The following CEACAM16 variants were observed in gnomAD, a reference collection of about 807,000 sequenced individuals.
CEACAM16 encodes cell adhesion molecule CEACAM16.
CEACAM16 carries 30 observed loss-of-function variants against 39.4 expected under a neutral mutation model. That is an observed-to-expected ratio of 0.76 (90% CI 0.57 to 1.03). CEACAM16 has a LOEUF of 1.03. Ranked by LOEUF, CEACAM16 falls within the 50% of genes least tolerant of loss-of-function variation. The pLI is 0.00. For synonymous variants in CEACAM16, 262 were observed against 264.9 expected, an observed-to-expected ratio of 0.99 and a Z score of 0.11; for missense variants, 521 against 585.3, an observed-to-expected ratio of 0.89 and a Z score of 1.13.
chr19:44,706,013 G>A (rs2122199841), intron 5 of CEACAM16, 145 bp downstream of exon 5: 4 of 1,010,480 alleles, frequency 4.0e-6, no homozygotes, highest in Non-Finnish European at 5.8e-6. Context: ...TGGCATATCA[G>A]GCAGATCTGT....
chr19:44,710,351 A>G, intron 6 of CEACAM16, 145 bp from the exon 7 acceptor site: 1 of 805,330 alleles, frequency 1.2e-6, no homozygotes, highest in Non-Finnish European at 2.0e-6. Flanking sequence ...CTGAACCTGA[A>G]CCTGGCACAG....
Position 44,710,376 on chromosome 19 carries a change from G to C in CEACAM16, c.1268-120G>C, listed in dbSNP as rs1235437489. The C allele has an allele frequency of 6.6e-6, 7 of 1,064,090 alleles. No individual in the cohort carries two copies. In the African/African-American group the frequency reaches 9.5e-5, roughly 14 times the overall value. The allele number at this position is 1,064,090 out of a possible 1,614,324, so 65.9% of individuals were successfully genotyped here. On this transcript the variant is annotated intron_variant, in intron 6 of 6. Coordinates refer to ENST00000587331, the MANE Select transcript of CEACAM16 (RefSeq NM_001039213.4). ...ACCTGGCACAGGCTGAGCGTGGGGT[G>C]GATTGGGCCACTGGGTGGCCCGGGG...
rs79655389 is a variant in CEACAM16, at chr19:44,701,423, G to A, written c.-34G>A. The A allele has an allele frequency of 1.7e-5, 27 of 1,556,294 alleles. No homozygotes were observed. The East Asian group carries it at 4.8e-4, about 28-fold the overall frequency. On this transcript the variant is annotated 5_prime_UTR_variant, in exon 2 of 7. Transcript: ENST00000587331. The surrounding 1 kb of genome is among the most constrained non-coding windows in gnomAD (Gnocchi z 4.0). ...GGAGTCCGAGCACTGGGACTTCAAC[G>A]CCACCATCTCCAAGACTCGGTTTGG... is the stretch of plus-strand genomic sequence containing the variant.
intron 1 of CEACAM16, 67 bp downstream of exon 1, chr19:44,699,327 T>C: frequency 1.9e-6 from 1 of 529,880 alleles, no homozygotes; most frequent in South Asian, 1.4e-5. Flanking sequence ...TGAGTACTAT[T>C]GTTTTCCCTA....
chr19:44,703,353 A>T lies in CEACAM16; in HGVS notation c.42A>T (p.Thr14=), dbSNP rs1235874936. The part of the protein sequence containing the change: ...TGYSWLLLSA[T]FLNVGAEISI... ...CCTCTGACTCCTCTTCCTCAGCCAC[A>T]TTCCTGAATGTGGGGGCCGAGATCT... The change falls in exon 3 of 7, where the codon ACA becomes ACT. Residue 14 remains threonine (T), a synonymous_variant. Coordinates refer to ENST00000587331, the MANE Select transcript of CEACAM16 (RefSeq NM_001039213.4). The T allele has an allele frequency of 6.2e-7, 1 of 1,608,394 alleles. No individual in the cohort carries two copies. The highest frequency in any genetic ancestry group is 1.7e-5 in the Admixed American group (1 of 59,926).
At chr19:44,700,386 T>A (rs1477218059) in intron 1 of CEACAM16, among the ~76,000 whole-genome samples, 1 of 151,764 alleles carries the variant, frequency 6.6e-6, no homozygotes, top group African/African-American at 2.4e-5. Flanking sequence ...GATCTGCCCA[T>A]CTCAGCCTCC....
chr19:44,699,649 C>T (rs1037242232), intron 1 of CEACAM16, among the ~76,000 whole-genome samples: 5 of 152,064 alleles, frequency 3.3e-5, no homozygotes, highest in East Asian at 1.9e-4. Context: ...AGTGCTAGGA[C>T]TACAGGCATG....
chr19:44,704,441 C>CT (rs1052648621), intron 4 of CEACAM16, 145 bp downstream of exon 4: 3 of 1,076,740 alleles, frequency 2.8e-6, no homozygotes, highest in Non-Finnish European at 3.9e-6. Context: ...TTAAAGTGCA[C>CT]TTGCCCTCGC....
At position 44,710,604 on chromosome 19, in the gene CEACAM16, C is replaced by T; in HGVS notation, c.*98C>T. On this transcript the variant is annotated 3_prime_UTR_variant, in exon 7 of 7. Transcript: ENST00000587331. Reference sequence around the variant, plus strand: ...AACCACTCCCCCACAGCGAGGATGCCAGGCTGTGGTCCTGCTGTTCTCCTG... The same window carrying T: ...AACCACTCCCCCACAGCGAGGATGCTAGGCTGTGGTCCTGCTGTTCTCCTG... 1 of 1,533,774 alleles carries T rather than the reference C, an allele frequency of 6.5e-7. No individual in the cohort carries two copies. The highest frequency in any genetic ancestry group is 2.3e-5 in the East Asian group (1 of 44,406).
rs758606896 is a variant in CEACAM16 at position 44,708,028 on chromosome 19, T to A, written c.1108T>A (p.Trp370Arg). The part of the protein sequence containing the change: ...RLLSQLPSGT[W>R]IAGPAHTGRE... Reference sequence around the variant, plus strand: ...GCTCAGCCAGCTGCCGTCAGGAACCTGGATTGCAGGCCCCGCGCACACAGG... The same window carrying A: ...GCTCAGCCAGCTGCCGTCAGGAACCAGGATTGCAGGCCCCGCGCACACAGG... The change falls in exon 6 of 7, where the codon TGG (tryptophan) becomes AGG (arginine). Residue 370 changes from tryptophan (W) to arginine (R), a missense_variant. Coordinates refer to ENST00000587331, the MANE Select transcript of CEACAM16 (RefSeq NM_001039213.4). 10 of 1,612,110 alleles carry A rather than the reference T, an allele frequency of 6.2e-6. No individual in the cohort carries two copies. The highest frequency in any genetic ancestry group is 8.5e-6 in the Non-Finnish European group (10 of 1,179,404).
At position 44,707,987 on chromosome 19, in the gene CEACAM16, C is replaced by T. The variant is rs1329414628; in HGVS notation, c.1067C>T (p.Ser356Phe). ...TACGCCTGGTACCGCGGGCCTGCCT[C>T]CGAGCCCAACCGGCTGCTCAGCCAG... ...LVYAWYRGPA[S>F]EPNRLLSQLP... The change falls in exon 6 of 7, where the codon TCC (serine) becomes TTC (phenylalanine). Residue 356 changes from serine to phenylalanine, a missense_variant. By Grantham distance (155) the Ser-to-Phe change is radical. Transcript: ENST00000587331. 6.2e-7 allele frequency: 1 copy of T among 1,606,728 alleles called. No individual in the cohort carries two copies. The highest frequency in any genetic ancestry group is 8.5e-7 in the Non-Finnish European group (1 of 1,177,240).
At chr19:44,707,146 T>C (rs1276765448) in intron 5 of CEACAM16, among the ~76,000 whole-genome samples, 1 of 152,156 alleles carries the variant, frequency 6.6e-6, no homozygotes, top group Non-Finnish European at 1.5e-5. Context: ...CCAGGAGACA[T>C]GGCCCTGTTT....
chr19:44,708,283 C>T, intron 6 of CEACAM16, 96 bp downstream of exon 6: 1 of 1,221,488 alleles, frequency 8.2e-7, no homozygotes. Context: ...GGACATAGAC[C>T]AAAGATGGAT....
At chr19:44,706,339 C>T (rs1190029740) in intron 5 of CEACAM16, among the ~76,000 whole-genome samples, 1 of 151,204 alleles carries the variant, frequency 6.6e-6, no homozygotes, top group Non-Finnish European at 1.5e-5. Flanking sequence ...CAATTGCTGG[C>T]AAATGGAGAA....
Position 44,707,916 on chromosome 19 carries a change from G to C in CEACAM16, c.996G>C (p.Gln332His). Residue 332 changes from glutamine to histidine, a missense_variant, in exon 6 of 7, where the codon CAG (glutamine) becomes CAC (histidine). Gln to His is a conservative substitution (Grantham distance 24). Coordinates refer to ENST00000587331, the MANE Select transcript of CEACAM16 (RefSeq NM_001039213.4). ...TGCCCACCAAGCCAACGGAGGGCCA[G>C]GACGTAACACTGACCGTGCAGGGCT... ...VPVPTKPTEG[Q>H]DVTLTVQGYP... 1 of 1,577,820 alleles carries C rather than the reference G, an allele frequency of 6.3e-7. No homozygotes were observed. Among genetic ancestry groups the C allele is most frequent in the Non-Finnish European group, 8.7e-7 (1 of 1,153,958 alleles).
At chr19:44,709,824 T>A (rs1974510732) in intron 6 of CEACAM16, among the ~76,000 whole-genome samples, 2 of 148,686 alleles carry the variant, frequency 1.3e-5, no homozygotes, top group Admixed American at 1.3e-4. Context: ...GTCTCCTCCA[T>A]CAGACTGGGA....
At chr19:44,709,870 A>T (rs1008804866) in intron 6 of CEACAM16, among the ~76,000 whole-genome samples, 2 of 151,168 alleles carry the variant, frequency 1.3e-5, no homozygotes, top group Non-Finnish European at 3.0e-5. Flanking sequence ...CCTCCATCAG[A>T]CTGGGAGATC....
At chr19:44,700,430 G>A (rs181529315) in intron 1 of CEACAM16, among the ~76,000 whole-genome samples, 7 of 151,948 alleles carry the variant, frequency 4.6e-5, no homozygotes, top group South Asian at 4.1e-4. Context: ...CTGCCACCAC[G>A]CCTGGCTATT....
intron 2 of CEACAM16, among the ~76,000 whole-genome samples, chr19:44,702,995 G>A (rs539339734): frequency 6.6e-6 from 1 of 152,326 alleles, no homozygotes; most frequent in South Asian, 2.1e-4. Flanking sequence ...TCCTGCATCT[G>A]ACTAACATGT....
Sources: gnomAD v4.1 joint callset for allele counts (sites outside exome capture counted in the v4.1 genomes callset) on GRCh38, gnomAD v4.1.1 for gene constraint, Gnocchi (gnomAD v3.1) non-coding constraint, MANE v1.5 for transcripts, NCBI Gene and HGNC (gene_info 2026-07-23, HGNC 2026-07-21) for gene names.